The following WDPCP variants were observed in gnomAD, a reference collection of about 807,000 sequenced individuals.
WDPCP encodes the protein WD repeat-containing and planar cell polarity effector protein fritz homolog.
In WDPCP, 71 loss-of-function variants were observed where a neutral mutation model predicts 93.1. The observed-to-expected ratio is 0.76, with a 90% CI of 0.63 to 0.93. WDPCP has a LOEUF of 0.93. Among genes scored for constraint, WDPCP ranks in the 40% least tolerant of loss-of-function variants. WDPCP has a pLI of 0.00. For synonymous variants in WDPCP, 315 were observed against 315.0 expected (o/e 1.00, Z 0.00); for missense variants, 844 against 887.4 (o/e 0.95, Z 0.62).
intron 2 of WDPCP, among the ~76,000 whole-genome samples, chr2:63,695,826 G>C (rs1439388377): frequency 6.6e-6 from 1 of 151,988 alleles, no homozygotes; most frequent in Non-Finnish European, 1.5e-5. Flanking sequence ...TCCACTAAGG[G>C]TAATCATTAT....
intron 14 of WDPCP, among the ~76,000 whole-genome samples, chr2:63,192,479 C>T (rs528301676): frequency 7.2e-5 from 11 of 152,286 alleles, no homozygotes; most frequent in African/African-American, 2.2e-4. Context: ...ATTCAGTTAG[C>T]CCATTTGCAT....
At chr2:63,661,423 CTT>C (rs2106634943) in intron 2 of WDPCP, among the ~76,000 whole-genome samples, 1 of 152,264 alleles carries the variant, frequency 6.6e-6, no homozygotes, top group East Asian at 1.9e-4. Context: ...AGACTGTAAA[CTT>C]TTTGAAGGCT....
intron 14 of WDPCP, among the ~76,000 whole-genome samples, chr2:63,175,532 C>A (rs1331983389): frequency 1.3e-5 from 2 of 152,072 alleles, no homozygotes; most frequent in Non-Finnish European, 1.5e-5. Context: ...TGTTGTGAAG[C>A]AAATCTCCAG....
chr2:63,747,577 T>C (rs1227362264), intron 2 of WDPCP, among the ~76,000 whole-genome samples: 1 of 152,080 alleles, frequency 6.6e-6, no homozygotes, highest in African/African-American at 2.4e-5. Flanking sequence ...TTCCATCATA[T>C]ATCTAGTATC....
At chr2:63,471,255 T>C (rs1226429059) in intron 6 of WDPCP, among the ~76,000 whole-genome samples, 1 of 152,218 alleles carries the variant, frequency 6.6e-6, no homozygotes, top group Non-Finnish European at 1.5e-5. Flanking sequence ...TAAATATGCA[T>C]TGAGTGAATG....
intron 14 of WDPCP, 62 bp downstream of exon 14, chr2:63,259,245 A>C (rs1440521392): frequency 7.3e-7 from 1 of 1,377,858 alleles, no homozygotes; most frequent in African/African-American, 1.4e-5. Flanking sequence ...CCAAACATAA[A>C]TAGAAATGAT....
chr2:63,583,330 G>C (rs1035846172), intron 1 of WDPCP, among the ~76,000 whole-genome samples: 1 of 152,130 alleles, frequency 6.6e-6, no homozygotes, highest in African/African-American at 2.4e-5. Context: ...AGAGAGAACA[G>C]AGAACAAATG....
At chr2:63,209,784 T>C (rs907655306) in intron 14 of WDPCP, among the ~76,000 whole-genome samples, 1 of 152,214 alleles carries the variant, frequency 6.6e-6, no homozygotes, top group Non-Finnish European at 1.5e-5. Context: ...ACTGATTAAA[T>C]TGTAATATAT....
chr2:63,276,160 C>T (rs1575039514), intron 13 of WDPCP, among the ~76,000 whole-genome samples: 1 of 152,108 alleles, frequency 6.6e-6, no homozygotes, highest in Admixed American at 6.5e-5. Context: ...CTCAGGAAAC[C>T]CCATCCCTAG....
intron 3 of WDPCP, among the ~76,000 whole-genome samples, chr2:63,613,520 TGCCAGCAAAGCA>T (rs960760604): frequency 6.6e-5 from 10 of 152,228 alleles, no homozygotes; most frequent in African/African-American, 2.4e-4. Context: ...CTCTCTATGC[TGCCAGCAAAGCA>T]GGCTGTAGCA....
At chr2:63,283,493 C>T (rs541660338) in intron 13 of WDPCP, among the ~76,000 whole-genome samples, 7 of 152,306 alleles carry the variant, frequency 4.6e-5, no homozygotes, top group Admixed American at 2.0e-4. Flanking sequence ...TTTATTAGAA[C>T]GTAGCCATAC....
chr2:63,829,094 A>G (rs1012207956), upstream of WDPCP, among the ~76,000 whole-genome samples: 2 of 152,162 alleles, frequency 1.3e-5, no homozygotes, highest in Non-Finnish European at 2.9e-5. Context: ...ATAAAACATA[A>G]AAATGCAGCC....
At chr2:63,327,237 C>T (rs941182137) in intron 12 of WDPCP, among the ~76,000 whole-genome samples, 4 of 152,114 alleles carry the variant, frequency 2.6e-5, no homozygotes, top group African/African-American at 7.2e-5. Context: ...CTCAAACCTG[C>T]GAGTTGTTTG....
chr2:63,630,412 A>G (rs1410067117), intron 3 of WDPCP, among the ~76,000 whole-genome samples: 1 of 152,228 alleles, frequency 6.6e-6, no homozygotes, highest in Non-Finnish European at 1.5e-5. Context: ...ATAATGATAG[A>G]GACAGGGTTG....
intron 13 of WDPCP, among the ~76,000 whole-genome samples, chr2:63,285,433 C>CA (rs749712426): frequency 0.068 from 3,438 of 50,234 alleles, 115 homozygotes; most frequent in Non-Finnish European, 0.088. Flanking sequence ...GACTCCATCT[C>CA]AAAAAAAAAA....
At chr2:63,362,993 A>C (rs1690600896) in intron 12 of WDPCP, among the ~76,000 whole-genome samples, 1 of 152,174 alleles carries the variant, frequency 6.6e-6, no homozygotes, top group Non-Finnish European at 1.5e-5. Context: ...TTTTGAAAAT[A>C]AGAAAATACA....
intron 1 of WDPCP, among the ~76,000 whole-genome samples, chr2:63,503,396 A>G (rs1701674936): frequency 6.6e-6 from 1 of 152,160 alleles, no homozygotes; most frequent in Non-Finnish European, 1.5e-5. Flanking sequence ...CCATTATCCC[A>G]AAGAGACTTG....
intron 1 of WDPCP, 72 bp downstream of exon 1, chr2:63,588,125 G>C (rs1436170257): frequency 1.6e-5 from 25 of 1,517,264 alleles, no homozygotes; most frequent in Non-Finnish European, 2.1e-5. Flanking sequence ...AAAGCAAAGC[G>C]GGACGGCGCA....
intron 2 of WDPCP, among the ~76,000 whole-genome samples, chr2:63,733,124 A>G (rs1226668937): frequency 6.6e-6 from 1 of 151,986 alleles, no homozygotes; most frequent in African/African-American, 2.4e-5. Flanking sequence ...TTTGAGAACC[A>G]TATGAGTTAG....
Sources: gnomAD v4.1 joint callset for allele counts (sites outside exome capture counted in the v4.1 genomes callset) on GRCh38, gnomAD v4.1.1 for gene constraint, MANE v1.5 for transcripts, NCBI Gene and HGNC (gene_info 2026-07-23, HGNC 2026-07-21) for gene names.